The following LUC7L3 variants were observed in gnomAD, a reference collection of about 807,000 sequenced individuals.
LUC7L3 encodes the protein luc7-like protein 3.
A neutral mutation model predicts 66.8 loss-of-function variants in LUC7L3; 6 were observed. The ratio of observed to expected loss-of-function variants is 0.09; its 90% CI spans 0.05 to 0.18. The LOEUF (loss-of-function observed/expected upper bound fraction) is 0.18, where lower values mean the gene tolerates loss of function less well. LUC7L3 is among the 10% of genes least tolerant of loss of function. The probability of loss-of-function intolerance (pLI) is 1.00; values close to 1 mark genes in which losing one functional copy is unlikely to be tolerated. For synonymous variants in LUC7L3, 160 were observed against 174.7 expected, an observed-to-expected ratio of 0.92 and a Z score of 0.66; for missense variants, 341 against 531.1, an observed-to-expected ratio of 0.64 and a Z score of 3.52.
At chr17:50,746,255 G>C (rs754259695) in intron 8 of LUC7L3, among the ~76,000 whole-genome samples, 9 of 152,256 alleles carry the variant, frequency 5.9e-5, no homozygotes, top group South Asian at 2.1e-4. Flanking sequence ...GGTCTCTTAA[G>C]TGCTTGTCTC....
chr17:50,733,715 A>G (rs1969794365), intron 1 of LUC7L3, among the ~76,000 whole-genome samples: 1 of 152,108 alleles, frequency 6.6e-6, no homozygotes, highest in African/African-American at 2.4e-5. Flanking sequence ...AAGACTTTTC[A>G]TGTGTGTGAG....
chr17:50,748,563 ATCC>A (rs1970818479), intron 9 of LUC7L3: 1 of 151,800 alleles, frequency 6.6e-6, no homozygotes, highest in Non-Finnish European at 1.5e-5. Context: ...GGTTCAAGCA[ATCC>A]TCCTGCCTCA....
In LUC7L3 at chr17:50,751,386, C is replaced by G; in HGVS notation, c.*725C>G. On this transcript the variant is annotated 3_prime_UTR_variant, in exon 10 of 10. Coordinates refer to ENST00000505658, the MANE Select transcript of LUC7L3 (RefSeq NM_016424.5). ...AGGTACTCATGCCAGGTACTCCTTT[C>G]TCTACCCACATCCATGTTTGAATGC... 1.5e-6 allele frequency: 2 copies of G among 1,292,022 alleles called. No individual in the cohort carries two copies. Among genetic ancestry groups the G allele is most frequent in the Non-Finnish European group, 2.0e-6 (2 of 990,534 alleles). The allele number at this position is 1,292,022 out of a possible 1,614,324, so 80.0% of individuals were successfully genotyped here.
In LUC7L3 at chr17:50,746,514, A is replaced by C. The variant is rs751135401; in HGVS notation, c.978-28A>C. 19 of 1,603,320 alleles carry C rather than the reference A, an allele frequency of 1.2e-5. No individual in the cohort carries two copies. The South Asian group carries it at 2.1e-4, about 18-fold the overall frequency. On this transcript the variant is annotated intron_variant, in intron 8 of 9. Coordinates refer to ENST00000505658, the MANE Select transcript of LUC7L3 (RefSeq NM_016424.5). Reference sequence around the variant, plus strand: ...CTTTACTTATTGTAATACTGGCTGAAGTTGCCTTTTGGTTTTAAATTATTA... The same window carrying C: ...CTTTACTTATTGTAATACTGGCTGACGTTGCCTTTTGGTTTTAAATTATTA...
At chr17:50,736,928 AT>A in intron 1 of LUC7L3, 31 bp from the exon 2 acceptor site, 3 of 1,487,456 alleles carry the variant, frequency 2.0e-6, no homozygotes, top group African/African-American at 1.4e-5. Flanking sequence ...AAACCAAGCA[AT>A]TTTTTAAGTA....
chr17:50,725,344 A>G (rs1176218324), intron 1 of LUC7L3, among the ~76,000 whole-genome samples: 1 of 152,102 alleles, frequency 6.6e-6, no homozygotes, highest in East Asian at 1.9e-4. Flanking sequence ...CGGGAGGTGG[A>G]GGTTGCAGTG....
intron 1 of LUC7L3, among the ~76,000 whole-genome samples, chr17:50,732,858 TC>T (rs962874404): frequency 6.0e-4 from 91 of 152,230 alleles, no homozygotes; most frequent in African/African-American, 2.1e-3. Flanking sequence ...CATCTCAACC[TC>T]CCAAAGTGCT....
intron 1 of LUC7L3, among the ~76,000 whole-genome samples, chr17:50,733,700 A>G (rs1969792757): frequency 6.6e-6 from 1 of 152,112 alleles, no homozygotes; most frequent in Non-Finnish European, 1.5e-5. Context: ...GTTCACAGTA[A>G]TAGTAAGACT....
chr17:50,728,478 A>G (rs1402495057), intron 1 of LUC7L3, among the ~76,000 whole-genome samples: 1 of 152,188 alleles, frequency 6.6e-6, no homozygotes, highest in East Asian at 1.9e-4. Context: ...AAATATTTAT[A>G]GACTGTCATA....
chr17:50,743,843 G>T, intron 6 of LUC7L3, 33 bp downstream of exon 6: 4 of 1,433,092 alleles, frequency 2.8e-6, no homozygotes, highest in Non-Finnish European at 3.9e-6. Flanking sequence ...TATCTCATCT[G>T]TCTGTTAACA....
chr17:50,725,622 C>G (rs988759030), intron 1 of LUC7L3, among the ~76,000 whole-genome samples: 5 of 151,984 alleles, frequency 3.3e-5, no homozygotes, highest in Admixed American at 1.3e-4. Flanking sequence ...TTGAACAACA[C>G]GGGTTTGAGT....
intron 2 of LUC7L3, among the ~76,000 whole-genome samples, chr17:50,739,858 G>C (rs149621660): frequency 6.6e-6 from 1 of 152,312 alleles, no homozygotes; most frequent in East Asian, 1.9e-4. Flanking sequence ...AAGAAATAGA[G>C]AAGAGTTAAG....
intron 2 of LUC7L3, among the ~76,000 whole-genome samples, chr17:50,739,994 G>A (rs1465058022): frequency 1.3e-5 from 2 of 152,168 alleles, no homozygotes; most frequent in African/African-American, 4.8e-5. Context: ...GTCCCCATCA[G>A]TTTTCTTTAG....
intron 1 of LUC7L3, among the ~76,000 whole-genome samples, chr17:50,726,485 A>G (rs980846380): frequency 2.6e-5 from 4 of 152,050 alleles, no homozygotes; most frequent in African/African-American, 9.7e-5. Flanking sequence ...GTACAATACC[A>G]TGACCTTTGA....
rs1253755374 is a variant in LUC7L3, at chr17:50,752,309, G to T, written c.*1648G>T. The T allele has an allele frequency of 4.2e-6, 4 of 961,476 alleles. No homozygotes were observed. In the South Asian group the frequency reaches 4.8e-5, roughly 12 times the overall value. 59.6% of individuals were successfully genotyped at this position (961,476 alleles called of 1,614,324 possible). A position where few individuals can be genotyped will look rare whatever the true frequency, so the allele number is the denominator to read the frequency against. On this transcript the variant is annotated 3_prime_UTR_variant, in exon 10 of 10. Coordinates refer to ENST00000505658, the MANE Select transcript of LUC7L3 (RefSeq NM_016424.5). Reference sequence around the variant, plus strand: ...TATAGTGGCATAGAAAAAGTATAAAGCTCAGTTAGTTTTTTTATTATTATT... The same window carrying T: ...TATAGTGGCATAGAAAAAGTATAAATCTCAGTTAGTTTTTTTATTATTATT...
chr17:50,747,711 AC>A (rs1288671090), intron 9 of LUC7L3, among the ~76,000 whole-genome samples: 1 of 152,186 alleles, frequency 6.6e-6, no homozygotes, highest in Non-Finnish European at 1.5e-5. Flanking sequence ...AGCAGCACAA[AC>A]CATGGACATA....
At chr17:50,735,316 C>T (rs1185828188) in intron 1 of LUC7L3, among the ~76,000 whole-genome samples, 2 of 151,562 alleles carry the variant, frequency 1.3e-5, no homozygotes, top group Non-Finnish European at 2.9e-5. Flanking sequence ...TGACTTTAAT[C>T]CTGGATGCAG....
intron 1 of LUC7L3, among the ~76,000 whole-genome samples, chr17:50,732,273 C>G (rs1969656511): frequency 6.6e-6 from 1 of 152,226 alleles, no homozygotes; most frequent in Admixed American, 6.5e-5. Flanking sequence ...CAGCCTGGCA[C>G]TTTAACACCC....
At chr17:50,744,550 G>A (rs919760989) in intron 6 of LUC7L3, 102 bp from the exon 7 acceptor site, 41 of 1,059,400 alleles carry the variant, frequency 3.9e-5, no homozygotes, top group South Asian at 3.5e-4. Context: ...ATGGAAAAGA[G>A]CAATTCACAC....
Sources: gnomAD v4.1 joint callset for allele counts (sites outside exome capture counted in the v4.1 genomes callset) on GRCh38, gnomAD v4.1.1 for gene constraint, MANE v1.5 for transcripts, NCBI Gene and HGNC (gene_info 2026-07-23, HGNC 2026-07-21) for gene names.